The following PDLIM1 variants were observed in gnomAD, a reference collection of about 807,000 sequenced individuals.
PDLIM1 encodes PDZ and LIM domain 1.
Under a neutral mutation model 35.2 loss-of-function variants are expected in PDLIM1, and 25 were observed. The ratio of observed to expected loss-of-function variants is 0.71; its 90% CI spans 0.52 to 0.99. PDLIM1 has a LOEUF of 0.99. Among genes scored for constraint, PDLIM1 ranks in the 50% least tolerant of loss-of-function variants. The pLI, the probability that PDLIM1 is intolerant of heterozygous loss-of-function variation, is 0.00. For missense variants in PDLIM1, 363 were observed against 415.3 expected, an observed-to-expected ratio of 0.87 and a Z score of 1.09; for synonymous variants, 152 against 154.0, an observed-to-expected ratio of 0.99 and a Z score of 0.10.
intron 1 of PDLIM1, among the ~76,000 whole-genome samples, chr10:95,286,231 C>T (rs2035600576): frequency 6.6e-6 from 1 of 152,130 alleles, no homozygotes; most frequent in Non-Finnish European, 1.5e-5. Flanking sequence ...GTGGCTCATG[C>T]CTGTGATCCC....
At chr10:95,265,681 A>G (rs955066786) in intron 3 of PDLIM1, among the ~76,000 whole-genome samples, 2 of 151,772 alleles carry the variant, frequency 1.3e-5, no homozygotes, top group African/African-American at 4.8e-5. Flanking sequence ...TTGGGAGTCC[A>G]AATCAGGAGG....
At chr10:95,239,723 G>A (rs2035160150) in intron 5 of PDLIM1, among the ~76,000 whole-genome samples, 1 of 152,174 alleles carries the variant, frequency 6.6e-6, no homozygotes, top group Non-Finnish European at 1.5e-5. Context: ...TTGAACCCAG[G>A]AGGCGGAGGT....
intron 5 of PDLIM1, among the ~76,000 whole-genome samples, chr10:95,239,275 G>A (rs558293677): frequency 7.6e-4 from 116 of 152,270 alleles, no homozygotes; most frequent in African/African-American, 2.6e-3. Flanking sequence ...ATACCATTCA[G>A]GACATGGGCA....
At chr10:95,248,156 C>A (rs1429994411) in intron 4 of PDLIM1, among the ~76,000 whole-genome samples, 1 of 152,252 alleles carries the variant, frequency 6.6e-6, no homozygotes, top group Non-Finnish European at 1.5e-5. Flanking sequence ...TATCCTCCAT[C>A]TGACCCCTTC....
chr10:95,247,697 GA>G (rs917456147), intron 4 of PDLIM1: 18 of 186,654 alleles, frequency 9.6e-5, no homozygotes, highest in South Asian at 1.9e-4. Context: ...AAAATTTAGA[GA>G]AAAAAAAATG....
At chr10:95,270,291 A>G (rs1269130732) in intron 2 of PDLIM1, among the ~76,000 whole-genome samples, 1 of 151,752 alleles carries the variant, frequency 6.6e-6, no homozygotes, top group Non-Finnish European at 1.5e-5. Flanking sequence ...ATATTTTTAT[A>G]TACTCCCCCA....
intron 4 of PDLIM1, among the ~76,000 whole-genome samples, chr10:95,248,109 C>T (rs534656575): frequency 4.3e-4 from 65 of 152,348 alleles, no homozygotes; most frequent in Non-Finnish European, 8.1e-4. Flanking sequence ...TGGACGGTGA[C>T]AGGGAGGTAG....
chr10:95,264,927 C>G (rs1320419334), intron 3 of PDLIM1, among the ~76,000 whole-genome samples: 1 of 147,366 alleles, frequency 6.8e-6, no homozygotes, highest in Non-Finnish European at 1.5e-5. Flanking sequence ...TTTTCTTTCC[C>G]TCCTGCCAGC....
At chr10:95,287,074 G>T (rs1357063279) in intron 1 of PDLIM1, among the ~76,000 whole-genome samples, 1 of 152,198 alleles carries the variant, frequency 6.6e-6, no homozygotes, top group Non-Finnish European at 1.5e-5. Flanking sequence ...TCTGGTCAGA[G>T]GGTGATAATG....
intron 4 of PDLIM1, 171 bp from the exon 5 acceptor site, chr10:95,247,537 T>C: frequency 1.8e-6 from 1 of 556,116 alleles, no homozygotes; most frequent in Middle Eastern, 4.7e-4. Flanking sequence ...AACTGAGATG[T>C]CTTTGTAGTC....
intron 4 of PDLIM1, among the ~76,000 whole-genome samples, chr10:95,249,331 T>C (rs559656857): frequency 6.6e-6 from 1 of 152,344 alleles, no homozygotes; most frequent in South Asian, 2.1e-4. Flanking sequence ...GCTGAGCTGC[T>C]AAGGAGAAAG....
intron 3 of PDLIM1, among the ~76,000 whole-genome samples, chr10:95,265,823 G>A (rs975347531): frequency 6.6e-6 from 1 of 152,062 alleles, no homozygotes; most frequent in Non-Finnish European, 1.5e-5. Flanking sequence ...GATCATGTAA[G>A]CCCATGAGAT....
chr10:95,259,612 A>T (rs2035344357), intron 4 of PDLIM1, among the ~76,000 whole-genome samples: 1 of 152,216 alleles, frequency 6.6e-6, no homozygotes, highest in Admixed American at 6.5e-5. Context: ...GAATGCCCGC[A>T]CAGCAGAGCC....
intron 5 of PDLIM1, 149 bp downstream of exon 5, chr10:95,247,064 TCC>T (rs57354147): frequency 7.3e-6 from 5 of 687,908 alleles, no homozygotes; most frequent in Non-Finnish European, 1.2e-5. Flanking sequence ...TCTCTCTCTC[TCC>T]CTCTATCTCT....
chr10:95,262,761 T>C (rs2035375888), intron 4 of PDLIM1, among the ~76,000 whole-genome samples: 1 of 152,198 alleles, frequency 6.6e-6, no homozygotes, highest in Admixed American at 6.5e-5. Context: ...GTTCCTTTGC[T>C]GGGATTCCCA....
At chr10:95,281,882 G>C (rs1405772983) in intron 1 of PDLIM1, among the ~76,000 whole-genome samples, 2 of 152,222 alleles carry the variant, frequency 1.3e-5, no homozygotes, top group Non-Finnish European at 2.9e-5. Flanking sequence ...GCTAAATGTA[G>C]TGTGCAATTA....
intron 5 of PDLIM1, among the ~76,000 whole-genome samples, chr10:95,241,277 A>G (rs1479611039): frequency 6.6e-6 from 1 of 152,224 alleles, no homozygotes; most frequent in African/African-American, 2.4e-5. Context: ...TAGAGATAGC[A>G]TCTCGCTATG....
intron 1 of PDLIM1, among the ~76,000 whole-genome samples, chr10:95,273,665 G>A (rs575299299): frequency 8.5e-5 from 13 of 152,222 alleles, no homozygotes; most frequent in Non-Finnish European, 1.3e-4. Flanking sequence ...TTTAGGAAAC[G>A]AAAGCAGCCT....
intron 1 of PDLIM1, among the ~76,000 whole-genome samples, chr10:95,286,290 G>T (rs1452887389): frequency 6.6e-6 from 1 of 152,088 alleles, no homozygotes; most frequent in East Asian, 1.9e-4. Flanking sequence ...CCAGGGGGTG[G>T]AGGTTGCAGT....
Sources: gnomAD v4.1 joint callset for allele counts (sites outside exome capture counted in the v4.1 genomes callset) on GRCh38, gnomAD v4.1.1 for gene constraint, MANE v1.5 for transcripts, NCBI Gene and HGNC (gene_info 2026-07-23, HGNC 2026-07-21) for gene names.